The following KREMEN2 variants were observed in gnomAD, a reference collection of about 807,000 sequenced individuals.
KREMEN2 encodes the protein kremen protein 2.
KREMEN2 carries 43 observed loss-of-function variants against 49.8 expected under a neutral mutation model. The ratio of observed to expected loss-of-function variants is 0.86; its 90% CI spans 0.68 to 1.11. The LOEUF is 1.11. Ranked by LOEUF, KREMEN2 falls within the 50% of genes most tolerant of loss-of-function variation. The probability of loss-of-function intolerance (pLI) is 0.00; values close to 1 mark genes in which losing one functional copy is unlikely to be tolerated. For synonymous variants in KREMEN2, 355 were observed against 304.9 expected (o/e 1.16, Z -1.71); for missense variants, 686 against 665.7 (o/e 1.03, Z -0.34).
At position 2,964,444 on chromosome 16, in the gene KREMEN2, C is replaced by T; in HGVS notation, c.-77C>T. Reference sequence around the variant, plus strand: ...CAGAGGACAACGCCCCCTAGGTCTCCTGGGAGACCCCGAAGCGACCCCGGG... The same window carrying T: ...CAGAGGACAACGCCCCCTAGGTCTCTTGGGAGACCCCGAAGCGACCCCGGG... On this transcript the variant is annotated 5_prime_UTR_variant, in exon 1 of 9. Coordinates refer to ENST00000303746, the MANE Select transcript of KREMEN2 (RefSeq NM_172229.3). 1 of 1,059,078 alleles carries T rather than the reference C, an allele frequency of 9.4e-7. No individual in the cohort carries two copies. Among genetic ancestry groups the T allele is most frequent in the Non-Finnish European group, 1.4e-6 (1 of 730,518 alleles). 65.6% of individuals were successfully genotyped at this position (1,059,078 alleles called of 1,614,324 possible).
rs1183621220 is a variant in KREMEN2, at chr16:2,966,767, C to A, written c.612C>A (p.Gly204=). The change falls in exon 5 of 9, where the codon GGC becomes GGA. Residue 204 remains glycine (G), a synonymous_variant. Transcript: ENST00000303746. The surrounding 1 kb of genome is among the most constrained non-coding windows in gnomAD (Gnocchi z 8.4). ...ICFGHPGQLC[G]GDGRLGVYEV... ...TCGGCCACCCTGGACAGCTGTGTGG[C>A]GGCGATGGGCGGCTGGGCGTCTATG... 1 of 1,611,506 alleles carries A rather than the reference C, an allele frequency of 6.2e-7. No individual in the cohort carries two copies. Among genetic ancestry groups the A allele is most frequent in the East Asian group, 2.2e-5 (1 of 44,878 alleles).
At position 2,967,388 on chromosome 16, in the gene KREMEN2, G is replaced by C; in HGVS notation, c.1042G>C (p.Asp348His). 7.2e-7 allele frequency: 1 copy of C among 1,396,210 alleles called. No homozygotes were observed. Among genetic ancestry groups the C allele is most frequent in the Non-Finnish European group, 9.2e-7 (1 of 1,087,070 alleles). 86.5% of individuals were successfully genotyped at this position (1,396,210 alleles called of 1,614,324 possible). Reference sequence around the variant, plus strand: ...GGCCCAGACCCCCGCGGCGCCCCTCGACGGGGCCAACGTGAGCTGCAGCCC... The same window carrying C: ...GGCCCAGACCCCCGCGGCGCCCCTCCACGGGGCCAACGTGAGCTGCAGCCC... ...GSAQTPAAPL[D>H]GANVSCSPRP... is the part of the protein sequence containing the mutation. The change falls in exon 7 of 9, where the codon GAC becomes CAC. Residue 348 changes from aspartate to histidine, a missense_variant. Transcript: ENST00000303746.
In KREMEN2 at chr16:2,964,477, C is replaced by T. The variant is rs1271104323; in HGVS notation, c.-44C>T. ...CCCCGAAGCGACCCCGGGGGCAGCC[C>T]GGGCCGTGTCCGGGCGAGGGTGACC... On this transcript the variant is annotated 5_prime_UTR_variant, in exon 1 of 9. Transcript: ENST00000303746. The T allele has an allele frequency of 2.7e-6, 4 of 1,455,206 alleles. No homozygotes were observed. Among genetic ancestry groups the T allele is most frequent in the Non-Finnish European group, 9.3e-7 (1 of 1,079,468 alleles). 90.1% of individuals were successfully genotyped at this position (1,455,206 alleles called of 1,614,324 possible).
At position 2,966,003 on chromosome 16, in the gene KREMEN2, G is replaced by C. The variant is rs2071809157; in HGVS notation, c.270-137G>C. 1.4e-6 allele frequency: 1 copy of C among 698,512 alleles called. No homozygotes were observed. Among genetic ancestry groups the C allele is most frequent in the South Asian group, 1.8e-5 (1 of 56,376 alleles). The allele number at this position is 698,512 out of a possible 1,614,324, so 43.3% of individuals were successfully genotyped here. A position where few individuals can be genotyped will look rare whatever the true frequency, so the allele number is the denominator to read the frequency against. ...TTCTGCGTAGACAAAACTGGAATTT[G>C]TGGGTGTACAGCAGGCAGCACAGCC... On this transcript the variant is annotated intron_variant, in intron 2 of 8. Coordinates refer to ENST00000303746, the MANE Select transcript of KREMEN2 (RefSeq NM_172229.3). The surrounding 1 kb of genome is among the most constrained non-coding windows in gnomAD (Gnocchi z 8.4).
At chr16:2,967,781 G>C (rs777119720) in intron 8 of KREMEN2, 29 bp from the exon 9 acceptor site, 42 of 1,548,080 alleles carry the variant, frequency 2.7e-5, no homozygotes, top group Non-Finnish European at 2.5e-5. Flanking sequence ...GGATTGGACC[G>C]GCTCGGCTGA....
In KREMEN2 at chr16:2,964,407, A is replaced by AGG. The variant is rs895532967; in HGVS notation, c.-111_-110dup. On this transcript the variant is annotated 5_prime_UTR_variant, in exon 1 of 9. Coordinates refer to ENST00000303746, the MANE Select transcript of KREMEN2 (RefSeq NM_172229.3). ...GGAAAGCGCGGCTCAGAGTCGGACG[A>AGG]GGGGAGACTGTCAGAGGACAACGCC... The AGG allele has an allele frequency of 5.6e-6, 4 of 708,844 alleles. No homozygotes were observed. The African/African-American group carries it at 7.5e-5, about 13-fold the overall frequency. The allele number at this position is 708,844 out of a possible 1,614,324, so 43.9% of individuals were successfully genotyped here. A position where few individuals can be genotyped will look rare whatever the true frequency, so the allele number is the denominator to read the frequency against.
chr16:2,967,817 C>T lies in KREMEN2; in HGVS notation c.1186C>T (p.Leu396=), dbSNP rs1330521994. 5 of 1,550,042 alleles carry T rather than the reference C, an allele frequency of 3.2e-6. No individual in the cohort carries two copies. The Admixed American group carries it at 5.9e-5, about 18-fold the overall frequency. The change falls in exon 9 of 9, where the codon CTG becomes TTG. Residue 396 remains leucine, a synonymous_variant. Transcript: ENST00000303746. The part of the protein sequence containing the change: ...LLRPLRRRSC[L]LAPGKGPPAL... ...TGTCTGCTCCCTCTCTAGGAGCTGTCTGCTGGCTCCGGGAAAAGGGCCCCC... is the reference window on the plus strand; with the variant it reads ...TGTCTGCTCCCTCTCTAGGAGCTGTTTGCTGGCTCCGGGAAAAGGGCCCCC...
Position 2,967,869 on chromosome 16 carries a change from G to T in KREMEN2, c.1238G>T (p.Arg413Met), listed in dbSNP as rs762150091. The T allele has an allele frequency of 6.4e-7, 1 of 1,554,316 alleles. No individual in the cohort carries two copies. The highest frequency in any genetic ancestry group is 1.2e-5 in the South Asian group (1 of 84,418). ...PPALGASRGP[R>M]RSWAVWYQQP... ...GCGCTGGGGGCTTCCAGGGGCCCCA[G>T]GAGAAGCTGGGCTGTGTGGTACCAA... The change falls in exon 9 of 9, where the codon AGG becomes ATG. Residue 413 changes from arginine to methionine, a missense_variant. By Grantham distance (91) the Arg-to-Met change is moderately conservative. Transcript: ENST00000303746.
At chr16:2,964,660 C>A in intron 1 of KREMEN2, 46 bp downstream of exon 1, 1 of 1,504,268 alleles carries the variant, frequency 6.6e-7, no homozygotes, top group Non-Finnish European at 9.0e-7. Context: ...ACCCCTTCCT[C>A]GGCCTCCGCC....
In KREMEN2 at chr16:2,964,524, G is replaced by C. The variant is rs1275454902; in HGVS notation, c.4G>C (p.Gly2Arg). Residue 2 changes from glycine to arginine, a missense_variant, in exon 1 of 9, where the codon GGG (glycine) becomes CGG (arginine). By Grantham distance (125) the Gly-to-Arg change is moderately radical. Transcript: ENST00000303746. MGTQALQGFLFL... is the reference protein window; with the variant it reads MRTQALQGFLFL... ...GACCTATCCTTGGTTGAGAGCGATGGGGACACAAGCCCTGCAGGGCTTCCT... is the reference window on the plus strand; with the variant it reads ...GACCTATCCTTGGTTGAGAGCGATGCGGACACAAGCCCTGCAGGGCTTCCT... 2 of 1,576,234 alleles carry C rather than the reference G, an allele frequency of 1.3e-6. No homozygotes were observed. The highest frequency in any genetic ancestry group is 1.2e-5 in the South Asian group (1 of 84,864).
chr16:2,968,175 T>C lies in KREMEN2; in HGVS notation c.*155T>C. On this transcript the variant is annotated 3_prime_UTR_variant, in exon 9 of 9. Coordinates refer to ENST00000303746, the MANE Select transcript of KREMEN2 (RefSeq NM_172229.3). Reference sequence around the variant, plus strand: ...AAGTCGGACAGGAAACATCTGGTGCTATTATCTGGGACTTGGCCTGACCGT... The same window carrying C: ...AAGTCGGACAGGAAACATCTGGTGCCATTATCTGGGACTTGGCCTGACCGT... 1 of 942,998 alleles carries C rather than the reference T, an allele frequency of 1.1e-6. No homozygotes were observed. The highest frequency in any genetic ancestry group is 1.6e-6 in the Non-Finnish European group (1 of 616,484). 58.4% of individuals were successfully genotyped at this position (942,998 alleles called of 1,614,324 possible).
At chr16:2,965,133 G>T (rs2071793414) in intron 2 of KREMEN2, 100 bp downstream of exon 2, 4 of 779,944 alleles carry the variant, frequency 5.1e-6, no homozygotes, top group Non-Finnish European at 6.8e-6. Flanking sequence ...GTCTGCCGTG[G>T]ACTGGCAGCC....
rs1370457592 is a variant in KREMEN2 at position 2,966,463 on chromosome 16, G to A, written c.486+14G>A. 3 of 1,608,606 alleles carry A rather than the reference G, an allele frequency of 1.9e-6. No individual in the cohort carries two copies. Among genetic ancestry groups the A allele is most frequent in the Admixed American group, 1.7e-5 (1 of 59,974 alleles). ...AAGGGGTACCAGGTACTGCTCACGG[G>A]CCCAGACCAGTGACCCCTGACCTGG... On this transcript the variant is annotated intron_variant, in intron 4 of 8. Coordinates refer to ENST00000303746, the MANE Select transcript of KREMEN2 (RefSeq NM_172229.3). This position sits in a 1 kb window ranked among gnomAD's most constrained non-coding sequence, Gnocchi z 8.4.
Position 2,966,828 on chromosome 16 carries a change from G to C in KREMEN2, c.640+33G>C. On this transcript the variant is annotated intron_variant, in intron 5 of 8. Coordinates refer to ENST00000303746, the MANE Select transcript of KREMEN2 (RefSeq NM_172229.3). The surrounding 1 kb of genome is among the most constrained non-coding windows in gnomAD (Gnocchi z 8.4). ...GTGGGCGGGGACCAGGGGCCTGGGC[G>C]GGCCTCGAGGTGGGGCCTGGCCGGG... 1.2e-6 allele frequency: 2 copies of C among 1,600,186 alleles called. No homozygotes were observed. Among genetic ancestry groups the C allele is most frequent in the Middle Eastern group, 1.7e-4 (1 of 6,026 alleles).
chr16:2,966,257 G>C lies in KREMEN2; in HGVS notation c.361+26G>C. The C allele has an allele frequency of 6.2e-7, 1 of 1,613,352 alleles. No individual in the cohort carries two copies. Among genetic ancestry groups the C allele is most frequent in the Non-Finnish European group, 8.5e-7 (1 of 1,179,944 alleles). ...GTGAGTAGCGCGGCTGGACAGAGGT[G>C]GGAACGCTGCTGCATCTGGGAGGAG... is the stretch of plus-strand genomic sequence containing the variant. On this transcript the variant is annotated intron_variant, in intron 3 of 8. Coordinates refer to ENST00000303746, the MANE Select transcript of KREMEN2 (RefSeq NM_172229.3). The surrounding 1 kb of genome is among the most constrained non-coding windows in gnomAD (Gnocchi z 8.4).
rs1458878211 is a variant in KREMEN2 at position 2,968,055 on chromosome 16, G to A, written c.*35G>A. 3 of 1,517,270 alleles carry A rather than the reference G, an allele frequency of 2.0e-6. No homozygotes were observed. The highest frequency in any genetic ancestry group is 1.2e-5 in the South Asian group (1 of 83,680). The allele number at this position is 1,517,270 out of a possible 1,614,324, so 94.0% of individuals were successfully genotyped here. A position where few individuals can be genotyped will look rare whatever the true frequency, so the allele number is the denominator to read the frequency against. On this transcript the variant is annotated 3_prime_UTR_variant, in exon 9 of 9. Transcript: ENST00000303746. ...CCGAGGGTCCGCTGGGCCCGCCGCC[G>A]GCGAGATGGACACCTGAGATGCTGT...
intron 1 of KREMEN2, 59 bp downstream of exon 1, chr16:2,964,673 C>A: frequency 6.8e-7 from 1 of 1,470,514 alleles, no homozygotes; most frequent in East Asian, 2.4e-5. Context: ...CCTCCGCCCC[C>A]AGGGCCAGGC....
chr16:2,967,032 G>C lies in KREMEN2; in HGVS notation c.763G>C (p.Ala255Pro). 6.5e-7 allele frequency: 1 copy of C among 1,543,690 alleles called. No homozygotes were observed. Among genetic ancestry groups the C allele is most frequent in the Non-Finnish European group, 8.7e-7 (1 of 1,145,506 alleles). Reference sequence around the variant, plus strand: ...CTGGGCCCTGGGCCCGCCAGGCGCCGCGCTGGAGCTCACCTTCCGCCTCTT... The same window carrying C: ...CTGGGCCCTGGGCCCGCCAGGCGCCCCGCTGGAGCTCACCTTCCGCCTCTT... ...CSWALGPPGA[A>P]LELTFRLFEL... The change falls in exon 6 of 9, where the codon GCG becomes CCG. Residue 255 changes from alanine (A) to proline (P), a missense_variant. By Grantham distance (27) the Ala-to-Pro change is conservative (BLOSUM62 -1). Transcript: ENST00000303746.
Position 2,967,356 on chromosome 16 carries a change from A to T in KREMEN2, c.1010A>T (p.Glu337Val). 1 of 1,407,744 alleles carries T rather than the reference A, an allele frequency of 7.1e-7. No homozygotes were observed. Among genetic ancestry groups the T allele is most frequent in the Non-Finnish European group, 9.2e-7 (1 of 1,092,012 alleles). 87.2% of individuals were successfully genotyped at this position (1,407,744 alleles called of 1,614,324 possible). A position where few individuals can be genotyped will look rare whatever the true frequency, so the allele number is the denominator to read the frequency against. ...QDAAEDPEAP[E>V]GSAQTPAAPL... Reference sequence around the variant, plus strand: ...GCCGCTGAGGACCCAGAGGCCCCCGAGGGCTCGGCCCAGACCCCCGCGGCG... The same window carrying T: ...GCCGCTGAGGACCCAGAGGCCCCCGTGGGCTCGGCCCAGACCCCCGCGGCG... The change falls in exon 7 of 9, where the codon GAG becomes GTG. Residue 337 changes from glutamate (E) to valine (V), a missense_variant. Glu to Val is a moderately radical substitution (Grantham distance 121). Transcript: ENST00000303746.
Sources: gnomAD v4.1 joint callset for allele counts on GRCh38, gnomAD v4.1.1 for gene constraint, Gnocchi (gnomAD v3.1) non-coding constraint, MANE v1.5 for transcripts, NCBI Gene and HGNC (gene_info 2026-07-23, HGNC 2026-07-21) for gene names.